Variants in PCDHGB6 observed in about 807,000 individuals in gnomAD.
The protein encoded by PCDHGB6 is protocadherin gamma-B6.
PCDHGB6 carries 51 observed loss-of-function variants against 59.1 expected under a neutral mutation model. The ratio of observed to expected loss-of-function variants is 0.86; its 90% CI spans 0.69 to 1.09. PCDHGB6 has a LOEUF of 1.09. Ranked by LOEUF, PCDHGB6 falls within the 50% of genes least tolerant of loss-of-function variation. PCDHGB6 has a pLI of 0.00. For missense variants in PCDHGB6, 1,148 were observed against 1,205.1 expected (o/e 0.95, Z 0.70); for synonymous variants, 466 against 495.1 (o/e 0.94, Z 0.78).
intron 2 of PCDHGB6, among the ~76,000 whole-genome samples, chr5:141,501,333 A>ACACACC (rs1186649373): frequency 1.5e-4 from 21 of 140,134 alleles, no homozygotes; most frequent in African/African-American, 3.4e-4. Flanking sequence ...ACACACACAC[A>ACACACC]CCCCAAACTC....
intron 1 of PCDHGB6, among the ~76,000 whole-genome samples, chr5:141,451,780 C>T (rs988572200): frequency 6.6e-6 from 1 of 152,016 alleles, no homozygotes; most frequent in Non-Finnish European, 1.5e-5. Flanking sequence ...ACTCAGGAGG[C>T]TGAGGCCAGA....
intron 2 of PCDHGB6, among the ~76,000 whole-genome samples, chr5:141,497,543 T>C (rs896069181): frequency 4.7e-5 from 7 of 149,068 alleles, no homozygotes; most frequent in Non-Finnish European, 9.0e-5. Context: ...AACAAACCTT[T>C]TTTTTTTTTT....
chr5:141,419,824 AGCCACTGCCACGCT>A, intron 1 of PCDHGB6: 1 of 1,614,038 alleles, frequency 6.2e-7, no homozygotes, highest in South Asian at 1.1e-5. Context: ...CACCCCTTTC[AGCCACTGCCACGCT>A]GCACCTGGTG....
intron 1 of PCDHGB6, among the ~76,000 whole-genome samples, chr5:141,453,357 C>T (rs1027586816): frequency 1.3e-5 from 2 of 152,002 alleles, no homozygotes; most frequent in Admixed American, 6.6e-5. Flanking sequence ...TGACCCTGAA[C>T]TCCTGGGGTC....
chr5:141,494,439 C>T (rs1009257996), intron 1 of PCDHGB6, among the ~76,000 whole-genome samples: 1 of 152,126 alleles, frequency 6.6e-6, no homozygotes, highest in Non-Finnish European at 1.5e-5. Flanking sequence ...CCTCCTTTGC[C>T]ACTTTAGGGG....
intron 1 of PCDHGB6, among the ~76,000 whole-genome samples, chr5:141,463,684 G>C (rs2099066814): frequency 6.6e-6 from 1 of 151,910 alleles, no homozygotes; most frequent in African/African-American, 2.4e-5. Flanking sequence ...ATGACCTCGT[G>C]ATCTGCTCAC....
In PCDHGB6 at chr5:141,409,321, T is replaced by G. The variant is rs899218484; in HGVS notation, c.1119T>G (p.Asp373Glu). 3 of 1,613,996 alleles carry G rather than the reference T, an allele frequency of 1.9e-6. No individual in the cohort carries two copies. The highest frequency in any genetic ancestry group is 1.7e-5 in the Admixed American group (1 of 60,022). The change falls in exon 1 of 4, where the codon GAT (aspartate) becomes GAG (glutamate). Residue 373 changes from aspartate (D) to glutamate (E), a missense_variant. Transcript: ENST00000520790. Reference sequence around the variant, plus strand: ...TTGTTGCCCTCTTCAAAACACGGGATCTGGATTTCGGAGGAAATGGAGAAG... The same window carrying G: ...TTGTTGCCCTCTTCAAAACACGGGAGCTGGATTTCGGAGGAAATGGAGAAG... ...GMVVALFKTR[D>E]LDFGGNGEVR...
In PCDHGB6 at chr5:141,485,308, A is replaced by G; in HGVS notation, c.2419-9499A>G. On this transcript the variant is annotated intron_variant, in intron 1 of 3. Coordinates refer to ENST00000520790, the MANE Select transcript of PCDHGB6 (RefSeq NM_018926.3). The surrounding 1 kb of genome is among the most constrained non-coding windows in gnomAD (Gnocchi z 5.7). ...AGGAGTCACAGGAAGGGACTTTTGTAGGGAATGTCGCTCAAGATTTCCTGC... is the reference window on the plus strand; with the variant it reads ...AGGAGTCACAGGAAGGGACTTTTGTGGGGAATGTCGCTCAAGATTTCCTGC... 6.2e-7 allele frequency: 1 copy of G among 1,614,112 alleles called. No individual in the cohort carries two copies. The highest frequency in any genetic ancestry group is 8.5e-7 in the Non-Finnish European group (1 of 1,179,996).
chr5:141,441,883 A>T, intron 1 of PCDHGB6: 1 of 343,546 alleles, frequency 2.9e-6, no homozygotes, highest in South Asian at 2.6e-5. Context: ...CTACCTGGTC[A>T]CCAAGGTGGT....
chr5:141,412,183 C>A (rs1243084028), intron 1 of PCDHGB6: 1 of 152,188 alleles, frequency 6.6e-6, no homozygotes, highest in African/African-American at 2.4e-5. Context: ...GGTATTAATG[C>A]TCTGATGAAA....
chr5:141,486,879 G>A lies in PCDHGB6; in HGVS notation c.2419-7928G>A, dbSNP rs1371072899. 7 of 1,614,228 alleles carry A rather than the reference G, an allele frequency of 4.3e-6. No homozygotes were observed. Among genetic ancestry groups the A allele is most frequent in the Non-Finnish European group, 4.2e-6 (5 of 1,180,046 alleles). On this transcript the variant is annotated intron_variant, in intron 1 of 3. Coordinates refer to ENST00000520790, the MANE Select transcript of PCDHGB6 (RefSeq NM_018926.3). The surrounding 1 kb of genome is among the most constrained non-coding windows in gnomAD (Gnocchi z 5.0). Reference sequence around the variant, plus strand: ...AATGCTCCAGCTGTGCTCCGTCCTCGGGCCCGGCCTGGTTCCTTATGTCCC... The same window carrying A: ...AATGCTCCAGCTGTGCTCCGTCCTCAGGCCCGGCCTGGTTCCTTATGTCCC...
At chr5:141,473,066 A>G (rs1002054198) in intron 1 of PCDHGB6, among the ~76,000 whole-genome samples, 3 of 152,128 alleles carry the variant, frequency 2.0e-5, no homozygotes, top group African/African-American at 7.2e-5. Context: ...AACAAGTTAC[A>G]GCATCTTTGT....
At chr5:141,423,398 G>T in intron 1 of PCDHGB6, 7 of 1,614,172 alleles carry the variant, frequency 4.3e-6, no homozygotes, top group Non-Finnish European at 5.9e-6. Flanking sequence ...CATAAGTCAC[G>T]CCTGCTGCAG....
Position 141,489,934 on chromosome 5 carries a change from G to A in PCDHGB6, c.2419-4873G>A, listed in dbSNP as rs777780708. 1.7e-5 allele frequency: 28 copies of A among 1,614,176 alleles called. No homozygotes were observed. Among genetic ancestry groups the A allele is most frequent in the East Asian group, 6.7e-5 (3 of 44,876 alleles). On this transcript the variant is annotated intron_variant, in intron 1 of 3. Coordinates refer to ENST00000520790, the MANE Select transcript of PCDHGB6 (RefSeq NM_018926.3). This position sits in a 1 kb window ranked among gnomAD's most constrained non-coding sequence, Gnocchi z 4.5. ...AGGGACCACCCTTATCTCTGTCATCGTGCTGGACATCAATGATAATGCTCC... is the reference window on the plus strand; with the variant it reads ...AGGGACCACCCTTATCTCTGTCATCATGCTGGACATCAATGATAATGCTCC...
chr5:141,469,747 C>T (rs1392088794), intron 1 of PCDHGB6, among the ~76,000 whole-genome samples: 1 of 152,134 alleles, frequency 6.6e-6, no homozygotes, highest in Non-Finnish European at 1.5e-5. Context: ...TCAAAAATTA[C>T]AAAAATACAT....
chr5:141,450,210 G>T (rs2098673599), intron 1 of PCDHGB6, among the ~76,000 whole-genome samples: 1 of 151,786 alleles, frequency 6.6e-6, no homozygotes. Flanking sequence ...TAGAGACAAG[G>T]TTTCACTATG....
intron 1 of PCDHGB6, chr5:141,426,679 T>A (rs1008777231): frequency 9.3e-6 from 4 of 431,308 alleles, no homozygotes; most frequent in African/African-American, 2.0e-5. Context: ...CCACCTCATT[T>A]TCCCCAAAAT....
intron 1 of PCDHGB6, chr5:141,427,815 G>A: frequency 6.5e-7 from 1 of 1,527,760 alleles, no homozygotes; most frequent in Non-Finnish European, 9.0e-7. Context: ...ACAGAGCGGG[G>A]TGGTGGTCGC....
intron 1 of PCDHGB6, among the ~76,000 whole-genome samples, chr5:141,481,794 A>C (rs1433830305): frequency 6.6e-6 from 1 of 152,136 alleles, no homozygotes; most frequent in East Asian, 1.9e-4. Context: ...TCTACTAAAA[A>C]TACAAAAATT....
Sources: allele counts gnomAD v4.1 joint callset (sites outside exome capture counted in the v4.1 genomes callset), GRCh38; gene constraint gnomAD v4.1.1; non-coding constraint Gnocchi (gnomAD v3.1); transcripts MANE v1.5; gene names NCBI Gene and HGNC (gene_info 2026-07-23, HGNC 2026-07-21).